Variants in ASPH observed in about 807,000 individuals in gnomAD.
The protein encoded by ASPH is aspartyl/asparaginyl beta-hydroxylase.
In ASPH, 100 loss-of-function variants were observed where a neutral mutation model predicts 118.4. That is an observed-to-expected ratio of 0.84 (90% CI 0.72 to 1.00). The LOEUF (loss-of-function observed/expected upper bound fraction) is 1.00, where lower values mean the gene tolerates loss of function less well. Ranked by LOEUF, ASPH falls within the 50% of genes least tolerant of loss-of-function variation. ASPH has a pLI of 0.00. For synonymous variants in ASPH, 315 were observed against 325.6 expected (o/e 0.97, Z 0.35); for missense variants, 920 against 919.5 (o/e 1.00, Z -0.01).
intron 7 of ASPH, among the ~76,000 whole-genome samples, chr8:61,644,224 C>T (rs748951063): frequency 7.2e-5 from 11 of 152,192 alleles, no homozygotes; most frequent in Non-Finnish European, 1.3e-4. Context: ...ACACTCAAAC[C>T]GCAAAACAGT....
chr8:61,541,493 G>A (rs766923844), intron 21 of ASPH, among the ~76,000 whole-genome samples: 46 of 152,200 alleles, frequency 3.0e-4, no homozygotes, highest in Non-Finnish European at 5.6e-4. Flanking sequence ...ACTTTAAGAC[G>A]TCAATACTTG....
At chr8:61,626,889 TCA>T (rs1853136510) in intron 13 of ASPH, among the ~76,000 whole-genome samples, 1 of 152,062 alleles carries the variant, frequency 6.6e-6, no homozygotes, top group African/African-American at 2.4e-5. Flanking sequence ...TGTTTTACTA[TCA>T]CAGAATTGGA....
intron 24 of ASPH, 62 bp from the exon 25 acceptor site, chr8:61,503,571 G>A (rs1254238789): frequency 5.5e-6 from 8 of 1,467,214 alleles, no homozygotes; most frequent in Non-Finnish European, 6.4e-6. Context: ...TCTGAGGATC[G>A]ATTCCTGTCC....
chr8:61,544,823 T>C (rs1823204751), intron 21 of ASPH, among the ~76,000 whole-genome samples: 1 of 152,216 alleles, frequency 6.6e-6, no homozygotes, highest in East Asian at 1.9e-4. Context: ...GACTTTAGAA[T>C]ATAGTGTGCT....
At chr8:61,644,541 G>T in intron 7 of ASPH, 59 bp downstream of exon 7, 2 of 1,254,052 alleles carry the variant, frequency 1.6e-6, no homozygotes, top group Non-Finnish European at 2.2e-6. Flanking sequence ...TGTATTTTAT[G>T]ATGCCCTTTT....
At chr8:61,585,163 G>A (rs1162607341) in intron 14 of ASPH, among the ~76,000 whole-genome samples, 1 of 152,160 alleles carries the variant, frequency 6.6e-6, no homozygotes, top group East Asian at 1.9e-4. Flanking sequence ...TTGGCTCTGT[G>A]CACAACCTCA....
intron 13 of ASPH, among the ~76,000 whole-genome samples, chr8:61,630,755 T>A (rs1047816864): frequency 2.6e-5 from 4 of 152,186 alleles, no homozygotes; most frequent in African/African-American, 9.6e-5. Context: ...TAAAGGACTG[T>A]TAATGGTTTT....
intron 24 of ASPH, among the ~76,000 whole-genome samples, chr8:61,515,667 A>G (rs753238636): frequency 2.6e-5 from 4 of 152,184 alleles, no homozygotes; most frequent in Non-Finnish European, 5.9e-5. Context: ...ATAGCAACTA[A>G]ATAAAATACA....
At chr8:61,618,577 T>C (rs1693600576) in intron 14 of ASPH, among the ~76,000 whole-genome samples, 3 of 152,222 alleles carry the variant, frequency 2.0e-5, no homozygotes, top group Admixed American at 2.0e-4. Context: ...ATTTAATATA[T>C]CCTAAGTGCT....
intron 14 of ASPH, among the ~76,000 whole-genome samples, chr8:61,585,980 C>A (rs1176499248): frequency 3.3e-5 from 5 of 152,180 alleles, no homozygotes; most frequent in Non-Finnish European, 7.3e-5. Flanking sequence ...AGTAAGTGCT[C>A]AGTACCTGAG....
chr8:61,552,176 C>T (rs1462975934), intron 20 of ASPH, among the ~76,000 whole-genome samples: 1 of 152,198 alleles, frequency 6.6e-6, no homozygotes, highest in African/African-American at 2.4e-5. Flanking sequence ...TCTCACTTTA[C>T]CCTTTTATCC....
At chr8:61,578,329 G>A (rs1040842527) in intron 15 of ASPH, 1 of 1,605,758 alleles carries the variant, frequency 6.2e-7, no homozygotes, top group Non-Finnish European at 8.5e-7. Context: ...AGCTCCTCGA[G>A]CTTCTCCTGA....
chr8:61,534,304 CT>C lies in ASPH; in HGVS notation c.1765-8193del, dbSNP rs374132391. On this transcript the variant is annotated intron_variant, in intron 21 of 24. Transcript: ENST00000379454. ...AATTTTCTTTCTTTACTTTTACCTC[CT>C]TTTCTCCTAGACTAGTCAAATCTTG... 6.0e-4 allele frequency among the ~76,000 whole-genome samples: 92 copies of C among 152,232 alleles called. 1 individual carries two copies. In the Middle Eastern group the frequency reaches 0.027, roughly 45 times the overall value.
chr8:61,617,769 TTA>T (rs1849514529), intron 14 of ASPH, among the ~76,000 whole-genome samples: 1 of 151,242 alleles, frequency 6.6e-6, no homozygotes, highest in African/African-American at 2.4e-5. Flanking sequence ...CTGTCTCTAC[TTA>T]AAAAATACAA....
rs553671799 is a variant in ASPH at position 61,628,442 on chromosome 8, T to A, written c.934+5241A>T. On this transcript the variant is annotated intron_variant, in intron 13 of 24. Transcript: ENST00000379454. ...CCTTGGCACCCCAAAGTGCTGACAC[T>A]ACATGCGTGAACCACTGTGCCCAGC... 1,038 of 282,234 alleles carry A rather than the reference T, an allele frequency of 3.7e-3. 11 individuals are homozygous for A. The highest frequency in any genetic ancestry group is 5.6e-3 in the Non-Finnish European group (823 of 146,136). 17.5% of individuals were successfully genotyped at this position (282,234 alleles called of 1,614,324 possible). A position where few individuals can be genotyped will look rare whatever the true frequency, so the allele number is the denominator to read the frequency against.
chr8:61,569,135 A>C (rs938688), intron 16 of ASPH, among the ~76,000 whole-genome samples: 2 of 152,208 alleles, frequency 1.3e-5, no homozygotes, highest in African/African-American at 4.8e-5. Context: ...GCTGTTAGCA[A>C]AGTAGCAGCA....
At chr8:61,624,070 CA>C (rs1431610137) in intron 13 of ASPH, 45 of 399,284 alleles carry the variant, frequency 1.1e-4, no homozygotes, top group Non-Finnish European at 1.4e-4. Flanking sequence ...TTAATGGGTA[CA>C]AAAATATAGT....
intron 9 of ASPH, 34 bp from the exon 10 acceptor site, chr8:61,642,954 T>G: frequency 6.6e-7 from 1 of 1,524,508 alleles, no homozygotes; most frequent in Non-Finnish European, 8.8e-7. Flanking sequence ...GCAAAATAAG[T>G]ATTAACTGAG....
At chr8:61,514,738 C>A (rs1241839396) in intron 24 of ASPH, among the ~76,000 whole-genome samples, 1 of 151,910 alleles carries the variant, frequency 6.6e-6, no homozygotes, top group African/African-American at 2.4e-5. Context: ...AACAAAAAAA[C>A]TTGTTTTTGT....
Sources: allele counts gnomAD v4.1 joint callset (sites outside exome capture counted in the v4.1 genomes callset), GRCh38; gene constraint gnomAD v4.1.1; transcripts MANE v1.5; gene names NCBI Gene and HGNC (gene_info 2026-07-23, HGNC 2026-07-21).